The following ZNF334 variants were observed in gnomAD, a reference collection of about 807,000 sequenced individuals.
ZNF334 encodes the protein zinc finger protein 334.
A neutral mutation model predicts 12.4 loss-of-function variants in ZNF334; 14 were observed. The ratio of observed to expected loss-of-function variants is 1.13; its 90% CI spans 0.74 to 1.76. The LOEUF is 1.76. Among genes scored for constraint, ZNF334 ranks in the 40% most tolerant of loss-of-function variants. The pLI is 0.00. For missense variants in ZNF334, 797 were observed against 804.5 expected, an observed-to-expected ratio of 0.99 and a Z score of 0.11; for synonymous variants, 273 against 269.6, an observed-to-expected ratio of 1.01 and a Z score of -0.12.
At chr20:46,488,442 T>TATATATATATATATAA in the ZNF334 span, among the ~76,000 whole-genome samples, 2 of 136,504 alleles carry the variant, frequency 1.5e-5, no homozygotes, top group African/African-American at 6.2e-5. Context: ...TATATATATA[T>TATATATATATATATAA]AAATACCATA....
the ZNF334 span, among the ~76,000 whole-genome samples, chr20:46,490,261 A>G: frequency 2.2e-4 from 33 of 152,348 alleles, no homozygotes; most frequent in South Asian, 6.4e-3. Context: ...GTTCTTAGCA[A>G]CAACAAAAAT....
intron 2 of ZNF334, chr20:46,505,736 G>T (rs891967735): frequency 2.6e-5 from 4 of 153,744 alleles, no homozygotes; most frequent in African/African-American, 9.6e-5. Flanking sequence ...CACAACAGCT[G>T]TGCCAAGGAA....
the ZNF334 span, among the ~76,000 whole-genome samples, chr20:46,480,278 G>A: frequency 2.6e-5 from 4 of 152,136 alleles, no homozygotes; most frequent in Non-Finnish European, 5.9e-5. Context: ...ATGTTTGGGG[G>A]GCAATTGTTC....
chr20:46,464,518 G>C, the ZNF334 span: 2 of 470,896 alleles, frequency 4.2e-6, no homozygotes, highest in South Asian at 3.5e-5. Context: ...CAGCAAATGA[G>C]AGCTCCGTTT....
Position 46,512,614 on chromosome 20 carries a change from G to T in ZNF334, c.-113C>A, listed in dbSNP as rs1277113635. ...AGAATGAATGAAAGTGCTTTAAGGT[G>T]TTTGTCTTTTTGACAGTTTGGTTTC... On this transcript the variant is annotated 5_prime_UTR_variant, in exon 1 of 5. Transcript: ENST00000692313. 1 of 152,446 alleles carries T rather than the reference G, an allele frequency of 6.6e-6. No homozygotes were observed. The highest frequency in any genetic ancestry group is 2.1e-4 in the South Asian group (1 of 4,836). 9.4% of individuals were successfully genotyped at this position (152,446 alleles called of 1,614,324 possible). A position where few individuals can be genotyped will look rare whatever the true frequency, so the allele number is the denominator to read the frequency against.
Position 46,501,428 on chromosome 20 carries a change from G to A in ZNF334, c.1911C>T (p.Tyr637=), listed in dbSNP as rs1469025569. 28 of 1,614,064 alleles carry A rather than the reference G, an allele frequency of 1.7e-5. No homozygotes were observed. Among genetic ancestry groups the A allele is most frequent in the Non-Finnish European group, 2.3e-5 (27 of 1,179,994 alleles). ...PYECNQCGKT[Y]RRLWTLTEHQ... Reference sequence around the variant, plus strand: ...GTTCAGTGAGAGTCCACAGGCGACGGTAGGTTTTCCCACATTGATTACATT... The same window carrying A: ...GTTCAGTGAGAGTCCACAGGCGACGATAGGTTTTCCCACATTGATTACATT... Residue 637 remains tyrosine (Y), a synonymous_variant, in exon 5 of 5, where the codon TAC becomes TAT. Coordinates refer to ENST00000692313, the MANE Select transcript of ZNF334 (RefSeq NM_001353824.2).
chr20:46,489,031 C>T, the ZNF334 span, among the ~76,000 whole-genome samples: 2 of 151,744 alleles, frequency 1.3e-5, no homozygotes, highest in African/African-American at 2.4e-5. Context: ...GTGTGATTTG[C>T]GCTTCTTGGA....
At chr20:46,509,688 G>C in intron 2 of ZNF334, 2 of 702,830 alleles carry the variant, frequency 2.8e-6, no homozygotes, top group Non-Finnish European at 5.2e-6. Flanking sequence ...GCATCATCTG[G>C]CTCCACCATC....
intron 2 of ZNF334, among the ~76,000 whole-genome samples, chr20:46,508,725 C>T (rs1049473297): frequency 7.2e-5 from 11 of 152,212 alleles, no homozygotes; most frequent in Non-Finnish European, 1.6e-4. Flanking sequence ...GGTAGAGACA[C>T]TGCAACATGC....
chr20:46,466,497 T>G, the ZNF334 span, among the ~76,000 whole-genome samples: 1 of 152,338 alleles, frequency 6.6e-6, no homozygotes, highest in South Asian at 2.1e-4. Flanking sequence ...TTTATTTTAT[T>G]TTTTGAGACA....
chr20:46,504,590 G>A, intron 3 of ZNF334, 24 bp downstream of exon 3: 1 of 1,570,904 alleles, frequency 6.4e-7, no homozygotes, highest in African/African-American at 1.4e-5. Context: ...GCTCTTGGGA[G>A]TTGTACAGGG....
At chr20:46,469,370 CTT>C in the ZNF334 span, among the ~76,000 whole-genome samples, 25 of 138,696 alleles carry the variant, frequency 1.8e-4, no homozygotes, top group East Asian at 2.1e-4. Flanking sequence ...CCCTATGCTC[CTT>C]TTTTTTTTTT....
chr20:46,473,102 G>C, the ZNF334 span, among the ~76,000 whole-genome samples: 1 of 151,930 alleles, frequency 6.6e-6, no homozygotes, highest in Non-Finnish European at 1.5e-5. Flanking sequence ...TTATTTATTT[G>C]GTCCACTTTT....
downstream of ZNF334, among the ~76,000 whole-genome samples, chr20:46,498,295 T>A (rs1263897150): frequency 6.6e-6 from 1 of 152,142 alleles, no homozygotes; most frequent in Non-Finnish European, 1.5e-5. Flanking sequence ...ACAGTGAAAG[T>A]GATAGTTTTC....
At chr20:46,477,836 G>A in the ZNF334 span, among the ~76,000 whole-genome samples, 1 of 152,180 alleles carries the variant, frequency 6.6e-6, no homozygotes, top group African/African-American at 2.4e-5. Flanking sequence ...GACATGCTTA[G>A]CACTCAGTAT....
At chr20:46,507,022 G>C (rs1409649844) in intron 2 of ZNF334, among the ~76,000 whole-genome samples, 1 of 152,036 alleles carries the variant, frequency 6.6e-6, no homozygotes, top group Non-Finnish European at 1.5e-5. Flanking sequence ...GCTAAGGCAG[G>C]AGGATTGCTT....
downstream of ZNF334, among the ~76,000 whole-genome samples, chr20:46,496,229 A>C (rs931635497): frequency 1.3e-5 from 2 of 152,180 alleles, no homozygotes; most frequent in Non-Finnish European, 2.9e-5. Flanking sequence ...GCCAGGCCCA[A>C]ACCTGATTAC....
At chr20:46,480,541 G>C in the ZNF334 span, among the ~76,000 whole-genome samples, 1 of 152,120 alleles carries the variant, frequency 6.6e-6, no homozygotes, top group East Asian at 1.9e-4. Context: ...TGTGTTATAT[G>C]ACATCATTCC....
the ZNF334 span, among the ~76,000 whole-genome samples, chr20:46,487,806 G>A: frequency 6.6e-6 from 1 of 152,150 alleles, no homozygotes; most frequent in African/African-American, 2.4e-5. Flanking sequence ...TGAGTTTCTT[G>A]TAGTTAGCAA....
Sources: allele counts gnomAD v4.1 joint callset (sites outside exome capture counted in the v4.1 genomes callset), GRCh38; gene constraint gnomAD v4.1.1; transcripts MANE v1.5; gene names NCBI Gene and HGNC (gene_info 2026-07-23, HGNC 2026-07-21).